Variants in FAAH2 observed in about 807,000 individuals in gnomAD.
FAAH2 encodes the protein fatty-acid amide hydrolase 2.
A neutral mutation model predicts 36.9 loss-of-function variants in FAAH2; 60 were observed. That is an observed-to-expected ratio of 1.63 (90% CI 1.32 to 2.02). The LOEUF is 2.02. Ranked by LOEUF, FAAH2 falls within the 30% of genes most tolerant of loss-of-function variation. FAAH2 has a pLI of 0.00. For missense variants in FAAH2, 689 were observed against 397.5 expected, an observed-to-expected ratio of 1.73 and a Z score of -6.23; for synonymous variants, 214 against 143.8, an observed-to-expected ratio of 1.49 and a Z score of -3.49.
the FAAH2 span, among the ~76,000 whole-genome samples, chrX:57,172,547 T>C: frequency 8.9e-6 from 1 of 112,387 alleles, no homozygotes; most frequent in African/African-American, 3.2e-5. Context: ...ACCCACTACC[T>C]TATCACAAGG....
intron 6 of FAAH2, among the ~76,000 whole-genome samples, chrX:57,380,118 C>T (rs2054802608): frequency 9.0e-6 from 1 of 111,001 alleles, no homozygotes; most frequent in South Asian, 3.8e-4. Context: ...ATGTTATGGA[C>T]AATCCACCCT....
intron 3 of FAAH2, among the ~76,000 whole-genome samples, chrX:57,316,068 T>C (rs1382231535): frequency 9.0e-6 from 1 of 111,314 alleles, no homozygotes; most frequent in Non-Finnish European, 1.9e-5. Context: ...GAATACAAAA[T>C]CAATGTAGTA....
At chrX:57,335,883 C>A (rs1235433523) in intron 4 of FAAH2, among the ~76,000 whole-genome samples, 1 of 111,853 alleles carries the variant, frequency 8.9e-6, no homozygotes. Context: ...TGACTCATAG[C>A]AAACATGCTG....
intron 2 of FAAH2, among the ~76,000 whole-genome samples, chrX:57,297,511 A>G (rs1413553758): frequency 1.0e-5 from 1 of 96,819 alleles, no homozygotes; most frequent in Non-Finnish European, 2.1e-5. Flanking sequence ...GCCAAATTGT[A>G]AAGACCATCA....
the FAAH2 span, among the ~76,000 whole-genome samples, chrX:57,152,999 C>T: frequency 1.8e-5 from 2 of 110,326 alleles, no homozygotes; most frequent in African/African-American, 6.8e-5. Flanking sequence ...TGCTATCTAT[C>T]TCATTTTTAA....
rs908754352 is a variant in FAAH2 at position 57,468,018 on chromosome X, C to G, written c.1423+19300C>G. Among the ~76,000 whole-genome samples, 6 of 112,045 alleles carry G rather than the reference C, an allele frequency of 5.4e-5. No homozygotes were observed. The East Asian group carries it at 1.7e-3, about 32-fold the overall frequency. On this transcript the variant is annotated intron_variant, in intron 10 of 10. Transcript: ENST00000374900. ...GGAGTGGACCTCCAGCAAACTCAAA[C>G]AATCCTGCAGCTGATGGTCTACGCT... is the stretch of plus-strand genomic sequence containing the variant.
the FAAH2 span, among the ~76,000 whole-genome samples, chrX:57,271,471 A>C: frequency 8.9e-6 from 1 of 112,348 alleles, no homozygotes; most frequent in South Asian, 3.7e-4. Flanking sequence ...ACTGACTAGG[A>C]GACACCTCCA....
intron 7 of FAAH2, among the ~76,000 whole-genome samples, chrX:57,429,391 C>G (rs1465899149): frequency 3.7e-5 from 4 of 107,496 alleles, no homozygotes; most frequent in Non-Finnish European, 7.7e-5. Flanking sequence ...CATAAACAGA[C>G]TTTTTCAAAA....
chrX:57,334,268 T>TCTCACACACACACACACA lies in FAAH2; in HGVS notation c.622+2462_622+2463insTCACACACACACACACAC, dbSNP rs753282666. Among the ~76,000 whole-genome samples, 81 of 85,726 alleles carry TCTCACACACACACACACA rather than the reference T, an allele frequency of 9.4e-4. 1 individual carries two copies. The South Asian group carries it at 0.033, about 35-fold the overall frequency. 74.4% of individuals were successfully genotyped at this position (85,726 alleles called of 115,157 possible). On this transcript the variant is annotated intron_variant, in intron 4 of 10. Transcript: ENST00000374900. ...CTAGGTGACAGAGGGAGATTCCGTC[T>TCTCACACACACACACACA]CACACACACACACACACACACACAC...
intron 8 of FAAH2, among the ~76,000 whole-genome samples, chrX:57,443,546 C>T (rs1406942714): frequency 5.4e-5 from 6 of 111,634 alleles, no homozygotes; most frequent in African/African-American, 1.6e-4. Context: ...CTTTGTGACG[C>T]GTTCGAAGAT....
the FAAH2 span, among the ~76,000 whole-genome samples, chrX:57,236,040 CTT>C: frequency 8.9e-6 from 1 of 112,189 alleles, no homozygotes; most frequent in Non-Finnish European, 1.9e-5. Context: ...GTATGCTACT[CTT>C]TACTTCTGTG....
chrX:57,152,248 C>T, the FAAH2 span, among the ~76,000 whole-genome samples: 1 of 112,329 alleles, frequency 8.9e-6, no homozygotes, highest in African/African-American at 3.2e-5. Context: ...TCTGCCAGTC[C>T]TCAGATCTCC....
intron 5 of FAAH2, among the ~76,000 whole-genome samples, chrX:57,371,111 CT>C (rs2054539119): frequency 9.0e-6 from 1 of 111,661 alleles, no homozygotes; most frequent in African/African-American, 3.3e-5. Context: ...TTATTTTCAA[CT>C]TTTATTTTAG....
the FAAH2 span, among the ~76,000 whole-genome samples, chrX:57,254,180 C>T: frequency 4.5e-5 from 5 of 110,843 alleles, no homozygotes; most frequent in African/African-American, 6.6e-5. Context: ...AGAGACAAGG[C>T]CATTACATAA....
chrX:57,208,234 G>T, the FAAH2 span, among the ~76,000 whole-genome samples: 1 of 112,275 alleles, frequency 8.9e-6, no homozygotes, highest in Non-Finnish European at 1.9e-5. Flanking sequence ...GATGCAGAAG[G>T]GTAGGGATGA....
rs1359453419 is a variant in FAAH2, at chrX:57,447,023, C to T, written c.1212C>T (p.Tyr404=). The T allele has an allele frequency of 7.6e-6, 9 of 1,191,004 alleles. No homozygotes were observed. The highest frequency in any genetic ancestry group is 1.0e-5 in the Non-Finnish European group (9 of 881,098). ...LIKWCLGLSV[Y]TIPSIGLALL... ...AATGGTGCCTGGGTCTGTCAGTGTA[C>T]ACCATCCCTTCCATTGGTATGTAAA... Residue 404 remains tyrosine (Y), a synonymous_variant, in exon 9 of 11, where the codon TAC becomes TAT. Transcript: ENST00000374900.
intron 3 of FAAH2, among the ~76,000 whole-genome samples, chrX:57,325,566 G>C (rs747665857): frequency 9.2e-6 from 1 of 108,272 alleles, no homozygotes; most frequent in South Asian, 4.1e-4. Context: ...GTTTAGTCTT[G>C]GGACAGTGTA....
chrX:57,309,769 T>G (rs1014755782), intron 2 of FAAH2, among the ~76,000 whole-genome samples: 1 of 111,751 alleles, frequency 8.9e-6, no homozygotes, highest in Non-Finnish European at 1.9e-5. Flanking sequence ...TCCATGTCCC[T>G]GAAAAGAATA....
At chrX:57,160,787 T>C in the FAAH2 span, among the ~76,000 whole-genome samples, 1 of 112,160 alleles carries the variant, frequency 8.9e-6, no homozygotes, top group Non-Finnish European at 1.9e-5. Context: ...TCTTTCAATT[T>C]TGTTGATCTT....
Sources: allele counts gnomAD v4.1 joint callset (sites outside exome capture counted in the v4.1 genomes callset), GRCh38; gene constraint gnomAD v4.1.1; transcripts MANE v1.5; gene names NCBI Gene and HGNC (gene_info 2026-07-23, HGNC 2026-07-21).